DPM1: variants seen among roughly 807,000 people sequenced by gnomAD.
The protein encoded by DPM1 is dolichol-phosphate mannosyltransferase subunit 1.
Under a neutral mutation model 39.0 loss-of-function variants are expected in DPM1, and 27 were observed. The ratio of observed to expected loss-of-function variants is 0.69; its 90% CI spans 0.51 to 0.95. DPM1 has a LOEUF of 0.95. Ranked by LOEUF, DPM1 falls within the 40% of genes least tolerant of loss-of-function variation. DPM1 has a pLI of 0.00. For synonymous variants in DPM1, 124 were observed against 109.0 expected, an observed-to-expected ratio of 1.14 and a Z score of -0.86; for missense variants, 307 against 315.6, an observed-to-expected ratio of 0.97 and a Z score of 0.21.
At chr20:50,950,503 A>G (rs1359039154) in intron 2 of DPM1, among the ~76,000 whole-genome samples, 1 of 152,218 alleles carries the variant, frequency 6.6e-6, no homozygotes, top group Non-Finnish European at 1.5e-5. Flanking sequence ...CTGCCCTGAA[A>G]AAGCAAATTT....
upstream of DPM1, chr20:50,958,561 A>G (rs1277920814): frequency 1.2e-6 from 2 of 1,611,548 alleles, no homozygotes; most frequent in Middle Eastern, 1.7e-4. Context: ...GGAATTACGT[A>G]ATGTGGCGCG....
At chr20:50,955,156 A>C (rs1219438590) in intron 2 of DPM1, 30 bp downstream of exon 2, 1 of 1,477,256 alleles carries the variant, frequency 6.8e-7, no homozygotes, top group African/African-American at 1.4e-5. Context: ...ATCACAATTC[A>C]TATCACAGAA....
Position 50,955,526 on chromosome 20 carries a change from A to T in DPM1, c.162-241T>A, listed in dbSNP as rs534408914. ...TTAAAGAATTCCTACACAGAGAACAAACTTTTTAGTTCAAAAGAAAATCAC... is the reference window on the plus strand; with the variant it reads ...TTAAAGAATTCCTACACAGAGAACATACTTTTTAGTTCAAAAGAAAATCAC... On this transcript the variant is annotated intron_variant, in intron 1 of 8. Transcript: ENST00000371588. Among the ~76,000 whole-genome samples, 10 of 152,320 alleles carry T rather than the reference A, an allele frequency of 6.6e-5. 1 individual carries two copies. The highest frequency in any genetic ancestry group is 2.1e-4 in the South Asian group (1 of 4,828).
At chr20:50,957,897 A>C (rs1369899122) in intron 1 of DPM1, among the ~76,000 whole-genome samples, 1 of 152,024 alleles carries the variant, frequency 6.6e-6, no homozygotes, top group Non-Finnish European at 1.5e-5. Context: ...TCTCCTTTCC[A>C]GAAAGGTTAT....
intron 3 of DPM1, among the ~76,000 whole-genome samples, chr20:50,947,207 TCAAA>T (rs1264034371): frequency 2.7e-5 from 4 of 150,682 alleles, no homozygotes; most frequent in East Asian, 2.0e-4. Flanking sequence ...AAACTCCGTC[TCAAA>T]CAAACAAAAA....
intron 8 of DPM1, among the ~76,000 whole-genome samples, chr20:50,935,535 C>T (rs1420643613): frequency 6.6e-6 from 1 of 152,202 alleles, no homozygotes; most frequent in Non-Finnish European, 1.5e-5. Flanking sequence ...AAAAATTATA[C>T]TCCAAAAGTA....
chr20:50,946,323 A>T (rs1447483733), intron 3 of DPM1, among the ~76,000 whole-genome samples: 5 of 152,184 alleles, frequency 3.3e-5, no homozygotes, highest in African/African-American at 1.2e-4. Flanking sequence ...CCTACTTAAT[A>T]TCTCCACTTG....
chr20:50,954,834 A>G (rs1458976015), intron 2 of DPM1, among the ~76,000 whole-genome samples: 2 of 152,258 alleles, frequency 1.3e-5, no homozygotes, highest in Non-Finnish European at 2.9e-5. Flanking sequence ...AGGGAGCAAG[A>G]AAGATTAAGA....
Position 50,935,059 on chromosome 20 carries a change from T to C in DPM1, c.*73A>G. 1 of 900,716 alleles carries C rather than the reference T, an allele frequency of 1.1e-6. No homozygotes were observed. Among genetic ancestry groups the C allele is most frequent in the Non-Finnish European group, 1.8e-6 (1 of 545,500 alleles). The allele number at this position is 900,716 out of a possible 1,614,324, so 55.8% of individuals were successfully genotyped here. ...TATTTTATACTTTAAGAGTACATTT[T>C]ATACAAATCAGTAACCAGGCTTCTT... On this transcript the variant is annotated 3_prime_UTR_variant, in exon 9 of 9. Transcript: ENST00000371588.
rs559291357 is a variant in DPM1, at chr20:50,958,489, C to A, written c.35G>T (p.Arg12Met). 5.0e-6 allele frequency: 8 copies of A among 1,613,942 alleles called. No homozygotes were observed. In the Admixed American group the frequency reaches 1.0e-4, roughly 20 times the overall value. Reference sequence around the variant, plus strand: ...GCGCACTTCCAGCTCCCGCCGAGACCTGCGAGGACTACGACTGACTTCCAA... The same window carrying A: ...GCGCACTTCCAGCTCCCGCCGAGACATGCGAGGACTACGACTGACTTCCAA... ...ASLEVSRSPR[R>M]SRRELEVRSP... Residue 12 changes from arginine to methionine, a missense_variant, in exon 1 of 9, where the codon AGG becomes ATG. Coordinates refer to ENST00000371588, the MANE Select transcript of DPM1 (RefSeq NM_003859.3).
chr20:50,953,932 A>G (rs1238370360), intron 2 of DPM1, among the ~76,000 whole-genome samples: 1 of 152,220 alleles, frequency 6.6e-6, no homozygotes, highest in Non-Finnish European at 1.5e-5. Context: ...AAATTTGTCA[A>G]CTTTTTACCT....
At chr20:50,955,447 G>T (rs930454851) in intron 1 of DPM1, among the ~76,000 whole-genome samples, 162 bp from the exon 2 acceptor site, 6 of 152,188 alleles carry the variant, frequency 3.9e-5, no homozygotes, top group African/African-American at 1.2e-4. Flanking sequence ...CAAACATTTA[G>T]TACTTTACCT....
In DPM1 at chr20:50,948,626, T is replaced by C. The variant is rs1334962274; in HGVS notation, c.295+3A>G. On this transcript the variant is annotated splice_donor_region_variant and intron_variant, in intron 3 of 8. Transcript: ENST00000371588. Reference sequence around the variant, plus strand: ...GTGAGGGGTTAGAGATTACACGACTTACCTAGTCCCAACTTTTTCTCTCGT... The same window carrying C: ...GTGAGGGGTTAGAGATTACACGACTCACCTAGTCCCAACTTTTTCTCTCGT... 1 of 1,613,852 alleles carries C rather than the reference T, an allele frequency of 6.2e-7. No individual in the cohort carries two copies. The highest frequency in any genetic ancestry group is 1.7e-5 in the Admixed American group (1 of 60,022).
chr20:50,942,403 G>C lies in DPM1; in HGVS notation c.399-277C>G, dbSNP rs377609249. On this transcript the variant is annotated intron_variant, in intron 5 of 8. Coordinates refer to ENST00000371588, the MANE Select transcript of DPM1 (RefSeq NM_003859.3). ...TGCCTGTAATCCCAGCTACTCAGGA[G>C]GCTGAGGCAGAGAATCACTTGAACC... Among the ~76,000 whole-genome samples the C allele has an allele frequency of 3.1e-4, 47 of 152,170 alleles. No homozygotes were observed. The East Asian group carries it at 8.3e-3, about 27-fold the overall frequency.
intron 1 of DPM1, among the ~76,000 whole-genome samples, chr20:50,955,692 T>C (rs1485680447): frequency 6.6e-6 from 1 of 151,902 alleles, no homozygotes. Flanking sequence ...GCCTCCGGAG[T>C]AGCTGGGACT....
intron 1 of DPM1, 61 bp downstream of exon 1, chr20:50,958,302 A>C (rs1986945990): frequency 6.3e-7 from 1 of 1,597,170 alleles, no homozygotes; most frequent in South Asian, 1.1e-5. Context: ...CCAGCTGCCG[A>C]CACCCGGGCC....
At chr20:50,945,312 G>A (rs1986208490) in intron 5 of DPM1, among the ~76,000 whole-genome samples, 1 of 109,716 alleles carries the variant, frequency 9.1e-6, no homozygotes, top group African/African-American at 4.1e-5. Context: ...GTGTGTGTGT[G>A]TGTGTGTGTG....
chr20:50,935,953 G>A (rs1369782615), intron 8 of DPM1, among the ~76,000 whole-genome samples, 195 bp downstream of exon 8: 1 of 152,202 alleles, frequency 6.6e-6, no homozygotes, highest in Non-Finnish European at 1.5e-5. Context: ...AGAGAATGCT[G>A]ACTGTTAATG....
intron 3 of DPM1, 92 bp downstream of exon 3, chr20:50,948,537 A>G: frequency 8.6e-7 from 1 of 1,156,230 alleles, no homozygotes; most frequent in Admixed American, 1.7e-5. Flanking sequence ...AAGTTACTGT[A>G]TTTTGGCCCT....
Sources: allele counts gnomAD v4.1 joint callset (sites outside exome capture counted in the v4.1 genomes callset), GRCh38; gene constraint gnomAD v4.1.1; transcripts MANE v1.5; gene names NCBI Gene and HGNC (gene_info 2026-07-23, HGNC 2026-07-21).